Variants in TNRC6B observed in about 807,000 individuals in gnomAD.
TNRC6B encodes the protein trinucleotide repeat containing adaptor 6B.
A neutral mutation model predicts 203.6 loss-of-function variants in TNRC6B; 52 were observed. That is an observed-to-expected ratio of 0.26 (90% confidence interval 0.20 to 0.32). The LOEUF (loss-of-function observed/expected upper bound fraction) is 0.32. TNRC6B is among the 10% of genes least tolerant of loss of function. The pLI, the probability that TNRC6B is intolerant of heterozygous loss-of-function variation, is 1.00. For missense variants in TNRC6B, 1,923 were observed against 2,286.2 expected, an observed-to-expected ratio of 0.84 and a Z score of 3.24; for synonymous variants, 838 against 845.7, an observed-to-expected ratio of 0.99 and a Z score of 0.16.
At chr22:40,280,426 T>A (rs1320760471) in intron 10 of TNRC6B, among the ~76,000 whole-genome samples, 1 of 152,254 alleles carries the variant, frequency 6.6e-6, no homozygotes, top group Non-Finnish European at 1.5e-5. Context: ...TCTGCATTCT[T>A]TTTTCCGCTG....
intron 4 of TNRC6B, among the ~76,000 whole-genome samples, chr22:40,160,284 C>G (rs1471265454): frequency 6.6e-6 from 1 of 152,046 alleles, no homozygotes; most frequent in Non-Finnish European, 1.5e-5. Context: ...CAAAACCAGC[C>G]TGACCAACAT....
chr22:40,143,697 C>T (rs187508022), intron 3 of TNRC6B, among the ~76,000 whole-genome samples: 94 of 152,226 alleles, frequency 6.2e-4, no homozygotes, highest in African/African-American at 1.0e-3. Flanking sequence ...AGGGTTTCAC[C>T]GTGTTAGCCA....
At chr22:40,091,552 G>A (rs907884285) in intron 1 of TNRC6B, among the ~76,000 whole-genome samples, 3 of 152,140 alleles carry the variant, frequency 2.0e-5, no homozygotes, top group Non-Finnish European at 4.4e-5. Flanking sequence ...TTACTTGATG[G>A]TATTGGGACT....
rs1293240441 is a variant in TNRC6B, at chr22:40,324,954, T to TA, written c.*1714dup. 6.6e-6 allele frequency: 1 copy of TA among 152,514 alleles called. No homozygotes were observed. The highest frequency in any genetic ancestry group is 2.4e-5 in the African/African-American group (1 of 41,402). 9.4% of individuals were successfully genotyped at this position (152,514 alleles called of 1,614,324 possible). On this transcript the variant is annotated 3_prime_UTR_variant, in exon 23 of 23. Transcript: ENST00000454349. The stretch of plus-strand genomic sequence containing the variant: ...CAGTTATCACCAACATGTATGTACT[T>TA]ATGTCGGAATCAAAATGTATCAAAC...
intron 21 of TNRC6B, among the ~76,000 whole-genome samples, chr22:40,319,745 A>C (rs2071310845): frequency 6.6e-6 from 1 of 152,032 alleles, no homozygotes; most frequent in South Asian, 2.1e-4. Flanking sequence ...TTAGTCTCTT[A>C]CTGTGCCTAA....
At chr22:40,277,860 T>C in intron 8 of TNRC6B, 139 bp from the exon 9 acceptor site, 1 of 651,202 alleles carries the variant, frequency 1.5e-6, no homozygotes, top group Non-Finnish European at 2.8e-6. Context: ...AATGTTAATG[T>C]CTTCAGTACC....
At chr22:40,092,599 C>G (rs1283556851) in intron 1 of TNRC6B, among the ~76,000 whole-genome samples, 1 of 152,134 alleles carries the variant, frequency 6.6e-6, no homozygotes, top group Admixed American at 6.5e-5. Context: ...GCCTCAAACT[C>G]CTGGGCTCAA....
At chr22:40,192,319 T>C (rs911520659) in intron 1 of TNRC6B, among the ~76,000 whole-genome samples, 4 of 152,166 alleles carry the variant, frequency 2.6e-5, no homozygotes, top group Admixed American at 2.6e-4. Flanking sequence ...GTAGTGACCA[T>C]AAAGATGGAA....
chr22:40,080,996 A>C (rs748395268), intron 1 of TNRC6B, among the ~76,000 whole-genome samples: 1 of 152,036 alleles, frequency 6.6e-6, no homozygotes, highest in Non-Finnish European at 1.5e-5. Context: ...AGCTGGAATT[A>C]CATGTGTGTG....
chr22:40,141,686 A>C (rs534541755), intron 3 of TNRC6B, among the ~76,000 whole-genome samples: 3 of 152,064 alleles, frequency 2.0e-5, no homozygotes, highest in East Asian at 1.9e-4. Context: ...TAGTCTGCCT[A>C]CTGTTGCATA....
chr22:40,290,239 AT>A (rs2070851562), intron 12 of TNRC6B, among the ~76,000 whole-genome samples: 1 of 152,250 alleles, frequency 6.6e-6, no homozygotes, highest in Non-Finnish European at 1.5e-5. Context: ...TTTTATTTTA[AT>A]TAACTTAAAT....
intron 3 of TNRC6B, among the ~76,000 whole-genome samples, chr22:40,128,644 C>T (rs1431939748): frequency 6.6e-6 from 1 of 151,716 alleles, no homozygotes; most frequent in African/African-American, 2.4e-5. Flanking sequence ...CCACCTCAGC[C>T]TCCCAAGTAG....
rs1197559673 is a variant in TNRC6B at position 40,281,233 on chromosome 22, G to C, written c.3526G>C (p.Val1176Leu). ...LSPSGSTLPN[V>L]SLGAIGTGLN... ...TCCCTCTGGTTCCACACTACCCAAC[G>C]TCAGCCTTGGAGCAATCGGCACAGG... Residue 1176 changes from valine to leucine, a missense_variant, in exon 11 of 23, where the codon GTC becomes CTC. Physicochemically the swap from Val to Leu is conservative, Grantham distance 32 (BLOSUM62 1). Transcript: ENST00000454349. The C allele has an allele frequency of 1.3e-6, 2 of 1,551,372 alleles. No homozygotes were observed. Among genetic ancestry groups the C allele is most frequent in the Non-Finnish European group, 1.7e-6 (2 of 1,146,848 alleles).
chr22:40,124,789 C>T (rs1055616846), intron 2 of TNRC6B, among the ~76,000 whole-genome samples: 2 of 151,882 alleles, frequency 1.3e-5, no homozygotes, highest in African/African-American at 2.4e-5. Flanking sequence ...CTGAGGCGGT[C>T]GGATCACGAG....
At chr22:40,287,849 C>T (rs1846687909) in intron 12 of TNRC6B, among the ~76,000 whole-genome samples, 1 of 152,152 alleles carries the variant, frequency 6.6e-6, no homozygotes, top group East Asian at 1.9e-4. Flanking sequence ...GAATTCCCAG[C>T]AGATAGTGTG....
chr22:40,262,377 C>T (rs1349161663), intron 4 of TNRC6B, among the ~76,000 whole-genome samples: 4 of 152,160 alleles, frequency 2.6e-5, no homozygotes, highest in Non-Finnish European at 4.4e-5. Flanking sequence ...GTGCTCTTGG[C>T]ATAAGGGCTA....
Position 40,332,463 on chromosome 22 carries a change from G to GATTCATA in TNRC6B, c.*9222_*9223insATTCATA, listed in dbSNP as rs2043992522. 6.6e-6 allele frequency: 1 copy of GATTCATA among 152,540 alleles called. No homozygotes were observed. The highest frequency in any genetic ancestry group is 6.5e-5 in the Admixed American group (1 of 15,272). The allele number at this position is 152,540 out of a possible 1,614,324, so 9.4% of individuals were successfully genotyped here. A position where few individuals can be genotyped will look rare whatever the true frequency, so the allele number is the denominator to read the frequency against. On this transcript the variant is annotated 3_prime_UTR_variant, in exon 23 of 23. Coordinates refer to ENST00000454349, the MANE Select transcript of TNRC6B (RefSeq NM_001162501.2). ...TGAATCATAGCGCCTGCATTGCTCT[G>GATTCATA]GTCTAGGCATTATTTGCAACACACA...
chr22:40,312,669 C>G lies in TNRC6B; in HGVS notation c.4582+18C>G. 1 of 1,605,222 alleles carries G rather than the reference C, an allele frequency of 6.2e-7. No homozygotes were observed. The highest frequency in any genetic ancestry group is 1.3e-5 in the African/African-American group (1 of 74,736). On this transcript the variant is annotated intron_variant, in intron 18 of 22. Coordinates refer to ENST00000454349, the MANE Select transcript of TNRC6B (RefSeq NM_001162501.2). ...CACCACAGGTACTTGAGCAAAGCAT[C>G]TCTTATATGTTCAACACCCAGCATT...
At chr22:40,162,929 A>G (rs1018398577) in intron 4 of TNRC6B, among the ~76,000 whole-genome samples, 19 of 152,204 alleles carry the variant, frequency 1.2e-4, no homozygotes, top group African/African-American at 4.6e-4. Flanking sequence ...TAAAACCATC[A>G]ACATTTTTTT....
Sources: gnomAD v4.1 joint callset for allele counts (sites outside exome capture counted in the v4.1 genomes callset) on GRCh38, gnomAD v4.1.1 for gene constraint, MANE v1.5 for transcripts, NCBI Gene and HGNC (gene_info 2026-07-23, HGNC 2026-07-21) for gene names.